The following TADA2A variants were observed in gnomAD, a reference collection of about 807,000 sequenced individuals.
TADA2A encodes the protein transcriptional adaptor 2A, also known as transcriptional adapter 2-alpha.
In TADA2A, 38 loss-of-function variants were observed where a neutral mutation model predicts 67.4. That is an observed-to-expected ratio of 0.56 (90% confidence interval 0.44 to 0.74). The LOEUF is 0.74. Among genes scored for constraint, TADA2A ranks in the 30% least tolerant of loss-of-function variants. TADA2A has a pLI of 0.00. For missense variants in TADA2A, 454 were observed against 547.0 expected (o/e 0.83, Z 1.70); for synonymous variants, 192 against 181.6 (o/e 1.06, Z -0.46).
intron 10 of TADA2A, among the ~76,000 whole-genome samples, chr17:37,462,581 G>A (rs1299164383): frequency 2.6e-5 from 4 of 152,108 alleles, no homozygotes; most frequent in Non-Finnish European, 5.9e-5. Context: ...GCAGTGAGCC[G>A]AGATCACGCC....
chr17:37,412,218 G>GA (rs58185039), intron 2 of TADA2A, among the ~76,000 whole-genome samples: 272 of 106,604 alleles, frequency 2.6e-3, no homozygotes, highest in African/African-American at 4.8e-3. Flanking sequence ...CTCAAAAAAA[G>GA]AAAAAAAAAA....
At chr17:37,413,878 G>T (rs993619150) in intron 2 of TADA2A, among the ~76,000 whole-genome samples, 4 of 151,948 alleles carry the variant, frequency 2.6e-5, no homozygotes, top group African/African-American at 9.7e-5. Flanking sequence ...GGGGTTTTGT[G>T]TACAAATTAT....
intron 10 of TADA2A, among the ~76,000 whole-genome samples, chr17:37,462,624 T>G (rs564639075): frequency 1.8e-4 from 27 of 150,820 alleles, no homozygotes; most frequent in Admixed American, 1.6e-3. Flanking sequence ...AGAGCAAGAC[T>G]TAGTCTCAAA....
chr17:37,429,245 A>G (rs989239061), intron 4 of TADA2A, among the ~76,000 whole-genome samples: 2 of 151,800 alleles, frequency 1.3e-5, no homozygotes, highest in South Asian at 2.1e-4. Context: ...AGGCACCTCA[A>G]CTATGTATAA....
rs750269130 is a variant in TADA2A at position 37,465,503 on chromosome 17, G to A, written c.785G>A (p.Gly262Glu). ...ATGAGGCGATTTGCAAGAATTGTGG[G>A]GCCAGTGGAACATGACAAATTCATT... Reference protein sequence around the residue: ...ETMRRFARIVGPVEHDKFIES... With the variant: ...ETMRRFARIVEPVEHDKFIES... Residue 262 changes from glycine to glutamate, a missense_variant, in exon 11 of 16, where the codon GGG (glycine) becomes GAG (glutamate). Gly to Glu is a moderately conservative substitution (Grantham distance 98). This residue lies in a region of TADA2A where 403 missense variants were observed against 455.5 expected (regional missense o/e 0.88). Coordinates refer to ENST00000615182, the MANE Select transcript of TADA2A (RefSeq NM_001166105.3). 6.2e-7 allele frequency: 1 copy of A among 1,614,074 alleles called. No homozygotes were observed. Among genetic ancestry groups the A allele is most frequent in the South Asian group, 1.1e-5 (1 of 91,080 alleles).
At chr17:37,449,619 AT>A (rs11337212) in intron 8 of TADA2A, among the ~76,000 whole-genome samples, 44,486 of 136,490 alleles carry the variant, frequency 0.33, 6,632 homozygotes, top group Middle Eastern at 0.47. Context: ...TACAATCTTG[AT>A]TTTTTTTTTT....
chr17:37,435,965 C>T (rs953506799), intron 4 of TADA2A, among the ~76,000 whole-genome samples: 11 of 152,114 alleles, frequency 7.2e-5, no homozygotes, highest in Non-Finnish European at 1.2e-4. Flanking sequence ...GTCCACCCAC[C>T]CAGGCCTCCC....
intron 4 of TADA2A, among the ~76,000 whole-genome samples, chr17:37,428,817 C>A (rs187197435): frequency 6.6e-6 from 1 of 152,006 alleles, no homozygotes; most frequent in Non-Finnish European, 1.5e-5. Context: ...GAGGCCGAGG[C>A]GGGTGGATCA....
At chr17:37,420,207 T>G (rs1313700104) in intron 2 of TADA2A, among the ~76,000 whole-genome samples, 1 of 146,052 alleles carries the variant, frequency 6.8e-6, no homozygotes, top group African/African-American at 2.5e-5. Flanking sequence ...CACAGTACTT[T>G]GGGAGGCTGG....
chr17:37,444,540 T>TA (rs755036978), intron 7 of TADA2A, among the ~76,000 whole-genome samples, 156 bp from the exon 8 acceptor site: 24 of 152,338 alleles, frequency 1.6e-4, no homozygotes, highest in Admixed American at 5.2e-4. Flanking sequence ...GACTTCCTAT[T>TA]ACCTGTGCCA....
chr17:37,428,585 T>G (rs573633714), intron 4 of TADA2A, among the ~76,000 whole-genome samples: 31 of 152,272 alleles, frequency 2.0e-4, no homozygotes, highest in Admixed American at 2.0e-3. Flanking sequence ...TTCTTCTGCT[T>G]TCCTCTTCTA....
chr17:37,412,278 T>C (rs1179314003), intron 2 of TADA2A, among the ~76,000 whole-genome samples: 1 of 151,636 alleles, frequency 6.6e-6, no homozygotes, highest in Non-Finnish European at 1.5e-5. Flanking sequence ...GATTAACCTG[T>C]AGTTAAACCT....
At position 37,443,569 on chromosome 17, in the gene TADA2A, AT is replaced by A. The variant is rs1484525809; in HGVS notation, c.531+919del. Among the ~76,000 whole-genome samples the A allele has an allele frequency of 3.3e-5, 5 of 152,264 alleles. No homozygotes were observed. The East Asian group carries it at 9.6e-4, about 29-fold the overall frequency. ...GCACCTGGCTTGTAGTCTGGTTCTT[AT>A]TGTACATCTAGGGGCTTTCAAGATT... On this transcript the variant is annotated intron_variant, in intron 7 of 15. Transcript: ENST00000615182.
intron 8 of TADA2A, among the ~76,000 whole-genome samples, chr17:37,452,975 C>T (rs911434823): frequency 1.6e-4 from 25 of 152,114 alleles, no homozygotes; most frequent in Non-Finnish European, 2.9e-4. Flanking sequence ...GCATTTCCTC[C>T]CTTCTTCAGA....
At chr17:37,439,930 ATTTATTTATTTATTATT>A (rs963120680) in intron 5 of TADA2A, among the ~76,000 whole-genome samples, 4 of 111,468 alleles carry the variant, frequency 3.6e-5, no homozygotes, top group Non-Finnish European at 5.5e-5. Context: ...TTATTTATTT[ATTTATTTATTTATTATT>A]TTTTTTTTTT....
intron 14 of TADA2A, among the ~76,000 whole-genome samples, chr17:37,474,190 G>A (rs763893497): frequency 6.6e-6 from 1 of 152,174 alleles, no homozygotes; most frequent in Non-Finnish European, 1.5e-5. Context: ...AGTGAGCTAT[G>A]ATCGCAACAC....
chr17:37,415,388 A>G (rs1410149969), intron 2 of TADA2A, among the ~76,000 whole-genome samples: 1 of 152,220 alleles, frequency 6.6e-6, no homozygotes, highest in Non-Finnish European at 1.5e-5. Context: ...TTATTATTCA[A>G]ATAATTGCTT....
intron 8 of TADA2A, among the ~76,000 whole-genome samples, chr17:37,451,566 C>T (rs2053234449): frequency 1.3e-5 from 2 of 152,148 alleles, no homozygotes; most frequent in African/African-American, 4.8e-5. Context: ...AACCCATCTG[C>T]CCACCTCAGT....
intron 8 of TADA2A, among the ~76,000 whole-genome samples, chr17:37,445,108 C>T (rs2147981680): frequency 6.6e-6 from 1 of 152,258 alleles, no homozygotes; most frequent in South Asian, 2.1e-4. Context: ...ATTCTTGGGA[C>T]TTCACTAGCA....
Sources: gnomAD v4.1 joint callset for allele counts (sites outside exome capture counted in the v4.1 genomes callset) on GRCh38, gnomAD v4.1.1 for gene constraint, gnomAD v4.1.1 regional missense constraint, MANE v1.5 for transcripts, NCBI Gene and HGNC (gene_info 2026-07-23, HGNC 2026-07-21) for gene names.